Variants in CHRM3 observed in about 807,000 individuals in gnomAD.
CHRM3 encodes cholinergic receptor muscarinic 3, also known as muscarinic acetylcholine receptor M3.
CHRM3 carries 11 observed loss-of-function variants against 41.8 expected under a neutral mutation model. That is an observed-to-expected ratio of 0.26 (90% CI 0.17 to 0.44). CHRM3 has a LOEUF of 0.44. Among genes scored for constraint, CHRM3 ranks in the 20% least tolerant of loss-of-function variants. CHRM3 has a pLI of 1.00. For missense variants in CHRM3, 571 were observed against 745.4 expected, an observed-to-expected ratio of 0.77 and a Z score of 2.72; for synonymous variants, 297 against 301.4, an observed-to-expected ratio of 0.99 and a Z score of 0.15.
At chr1:239,508,992 G>T (rs1409777828) in intron 2 of CHRM3, among the ~76,000 whole-genome samples, 3 of 152,138 alleles carry the variant, frequency 2.0e-5, no homozygotes, top group African/African-American at 7.2e-5. Context: ...AAATATACTG[G>T]ATACACAGCA....
At chr1:239,859,819 T>TTATGTATATATATA (rs1553286826) in intron 6 of CHRM3, among the ~76,000 whole-genome samples, 2 of 131,424 alleles carry the variant, frequency 1.5e-5, no homozygotes, top group African/African-American at 3.0e-5. Context: ...TCTAAGTGTT[T>TTATGTATATATATA]TATATATATA....
In CHRM3 at chr1:239,907,339, T is replaced by C. The variant is rs1008405825; in HGVS notation, c.-19-94T>C. 16 of 891,800 alleles carry C rather than the reference T, an allele frequency of 1.8e-5. No homozygotes were observed. The highest frequency in any genetic ancestry group is 2.3e-4 in the Middle Eastern group (1 of 4,360). The allele number at this position is 891,800 out of a possible 1,614,324, so 55.2% of individuals were successfully genotyped here. ...TTCATAGAGATTCAGCACCCTGTAA[T>C]AGGCCTTCCATGTCTTTTAACGTAT... On this transcript the variant is annotated intron_variant, in intron 6 of 6. Coordinates refer to ENST00000676153, the MANE Select transcript of CHRM3 (RefSeq NM_001375978.1). This position sits in a 1 kb window ranked among gnomAD's most constrained non-coding sequence, Gnocchi z 5.4.
intron 5 of CHRM3, among the ~76,000 whole-genome samples, chr1:239,749,316 G>A (rs1010000626): frequency 3.9e-5 from 6 of 152,100 alleles, no homozygotes; most frequent in Non-Finnish European, 7.4e-5. Flanking sequence ...TAAGCCCTAC[G>A]GTGGGAGAGC....
intron 4 of CHRM3, among the ~76,000 whole-genome samples, chr1:239,663,701 C>T (rs1673489508): frequency 6.6e-6 from 1 of 152,190 alleles, no homozygotes; most frequent in South Asian, 2.1e-4. Context: ...CAATGGAAAT[C>T]TAAATACATG....
chr1:239,835,675 T>C (rs1572440857), intron 6 of CHRM3, among the ~76,000 whole-genome samples: 1 of 152,294 alleles, frequency 6.6e-6, no homozygotes, highest in East Asian at 1.9e-4. Context: ...TTATTTCGAA[T>C]AGTTTAGAAT....
chr1:239,527,829 A>G, intron 2 of CHRM3, among the ~76,000 whole-genome samples: 1 of 152,340 alleles, frequency 6.6e-6, no homozygotes, highest in African/African-American at 2.4e-5. Context: ...TGAATGTAAG[A>G]TATTTAAATC....
At chr1:239,642,814 T>C (rs1671326755) in intron 4 of CHRM3, among the ~76,000 whole-genome samples, 1 of 152,260 alleles carries the variant, frequency 6.6e-6, no homozygotes, top group Non-Finnish European at 1.5e-5. Flanking sequence ...GGTGAGGAGC[T>C]GCGTTCCTTT....
At chr1:239,677,327 C>CATG (rs1216297364) in intron 4 of CHRM3, among the ~76,000 whole-genome samples, 1 of 152,178 alleles carries the variant, frequency 6.6e-6, no homozygotes, top group Non-Finnish European at 1.5e-5. Context: ...GAGTGAATGT[C>CATG]AAATACTTGT....
intron 2 of CHRM3, among the ~76,000 whole-genome samples, chr1:239,539,575 G>A (rs73116729): frequency 0.04 from 6,082 of 152,142 alleles, 436 homozygotes; most frequent in African/African-American, 0.14. Context: ...TTTGGTCAAC[G>A]ATGGACCACT....
chr1:239,847,945 AGGAGG>A (rs60288158), intron 6 of CHRM3, among the ~76,000 whole-genome samples: 4,594 of 140,936 alleles, frequency 0.033, 241 homozygotes, highest in African/African-American at 0.11. Flanking sequence ...AAGAGAAGAG[AGGAGG>A]GGAGGGGAGG....
intron 2 of CHRM3, among the ~76,000 whole-genome samples, chr1:239,494,164 G>T (rs1480655527): frequency 6.6e-6 from 1 of 152,144 alleles, no homozygotes; most frequent in Non-Finnish European, 1.5e-5. Flanking sequence ...CTGGGTCATG[G>T]CTGTGGAATG....
intron 3 of CHRM3, among the ~76,000 whole-genome samples, chr1:239,580,704 T>TATATATATATATATACATAC (rs570878631): frequency 2.3e-5 from 3 of 131,086 alleles, no homozygotes; most frequent in Non-Finnish European, 3.2e-5. Context: ...TATATATATA[T>TATATATATATATATACATAC]ACACACACAC....
At chr1:239,705,276 C>T (rs1039549581) in intron 5 of CHRM3, 1 of 152,210 alleles carries the variant, frequency 6.6e-6, no homozygotes, top group Admixed American at 6.5e-5. Flanking sequence ...TATCTGAGCA[C>T]AGTCGACTCA....
chr1:239,796,449 G>A (rs1486906793), intron 5 of CHRM3, among the ~76,000 whole-genome samples: 2 of 152,106 alleles, frequency 1.3e-5, no homozygotes, highest in East Asian at 3.9e-4. Context: ...ACTATCATTG[G>A]CATCGTTTCA....
intron 3 of CHRM3, among the ~76,000 whole-genome samples, chr1:239,548,702 T>G (rs2148427208): frequency 6.6e-6 from 1 of 152,308 alleles, no homozygotes; most frequent in South Asian, 2.1e-4. Context: ...GCTGTCCCTT[T>G]GTGAGGGCCT....
intron 5 of CHRM3, among the ~76,000 whole-genome samples, chr1:239,798,454 G>A (rs1214365570): frequency 6.6e-6 from 1 of 151,822 alleles, no homozygotes; most frequent in Admixed American, 6.6e-5. Flanking sequence ...CTTTTTTGTT[G>A]ATCCCTCTAT....
At chr1:239,580,689 T>TTATATATGTATATATATA (rs1553332705) in intron 3 of CHRM3, among the ~76,000 whole-genome samples, 1 of 65,152 alleles carries the variant, frequency 1.5e-5, no homozygotes, top group Non-Finnish European at 4.1e-5. Context: ...TTGCCCAATT[T>TTATATATGTATATATATA]TATATATATA....
chr1:239,893,651 C>A (rs188909394), intron 6 of CHRM3, among the ~76,000 whole-genome samples: 7 of 150,416 alleles, frequency 4.7e-5, no homozygotes, highest in African/African-American at 1.2e-4. Context: ...AAGTGATTGG[C>A]AGCTGTAGCA....
At chr1:239,514,023 G>A (rs573252949) in intron 2 of CHRM3, among the ~76,000 whole-genome samples, 2 of 152,216 alleles carry the variant, frequency 1.3e-5, no homozygotes, top group East Asian at 3.9e-4. Flanking sequence ...ACACCGCTCT[G>A]TCTTGATTAG....
Sources: allele counts gnomAD v4.1 joint callset (sites outside exome capture counted in the v4.1 genomes callset), GRCh38; gene constraint gnomAD v4.1.1; non-coding constraint Gnocchi (gnomAD v3.1); transcripts MANE v1.5; gene names NCBI Gene and HGNC (gene_info 2026-07-23, HGNC 2026-07-21).